The following RIPOR2 variants were observed in gnomAD, a reference collection of about 807,000 sequenced individuals.
RIPOR2 encodes the protein rho family-interacting cell polarization regulator 2.
Under a neutral mutation model 114.5 loss-of-function variants are expected in RIPOR2, and 39 were observed. The ratio of observed to expected loss-of-function variants is 0.34; its 90% CI spans 0.26 to 0.44. RIPOR2 has a LOEUF of 0.44. RIPOR2 is among the 20% of genes least tolerant of loss of function. The pLI, the probability that RIPOR2 is intolerant of heterozygous loss-of-function variation, is 1.00. For synonymous variants in RIPOR2, 445 were observed against 484.4 expected, an observed-to-expected ratio of 0.92 and a Z score of 1.07; for missense variants, 1,007 against 1,255.1, an observed-to-expected ratio of 0.80 and a Z score of 2.99.
At position 24,835,759 on chromosome 6, in the gene RIPOR2, C is replaced by T. The variant is rs889322692; in HGVS notation, c.2152G>A (p.Glu718Lys). 5.2e-6 allele frequency: 8 copies of T among 1,551,528 alleles called. No individual in the cohort carries two copies. The highest frequency in any genetic ancestry group is 2.7e-5 in the African/African-American group (2 of 73,034). The part of the protein sequence containing the change: ...GSPLPLTTGN[E>K]SLDITIVRHL... ...CTGACGATGGTGATGTCCAGGCTCT[C>T]GTTGCCTGTGGTCAGTGGGAGAGGA... The change falls in exon 15 of 22, where the codon GAG (glutamate) becomes AAG (lysine). Residue 718 changes from glutamate (E) to lysine (K), a missense_variant. Transcript: ENST00000643898.
At chr6:24,966,382 A>G (rs1487677806) in intron 1 of RIPOR2, among the ~76,000 whole-genome samples, 1 of 152,192 alleles carries the variant, frequency 6.6e-6, no homozygotes, top group East Asian at 1.9e-4. Flanking sequence ...GTGTTTCATC[A>G]TTCTTATTAA....
chr6:25,022,568 T>C (rs969616882), intron 1 of RIPOR2, among the ~76,000 whole-genome samples: 1 of 102,248 alleles, frequency 9.8e-6, no homozygotes, highest in Non-Finnish European at 1.9e-5. Context: ...TTTTTTTTTT[T>C]AGACAGGTTC....
In RIPOR2 at chr6:25,024,379, G is replaced by A. The variant is rs547064275; in HGVS notation, c.76+17472C>T. On this transcript the variant is annotated intron_variant, in intron 1 of 13. Transcript: ENST00000510784. ...TCTTCCTTCTGGCCAGTGTTGGCCA[G>A]GTAGGCAATGACATCATAGCCTTGT... 43 of 1,316,366 alleles carry A rather than the reference G, an allele frequency of 3.3e-5. No homozygotes were observed. The East Asian group carries it at 4.2e-4, about 13-fold the overall frequency. The allele number at this position is 1,316,366 out of a possible 1,614,324, so 81.5% of individuals were successfully genotyped here.
Position 24,839,221 on chromosome 6 carries a change from C to T in RIPOR2, c.1909G>A (p.Glu637Lys), listed in dbSNP as rs1312499154. 1.3e-6 allele frequency: 2 copies of T among 1,551,722 alleles called. No homozygotes were observed. The highest frequency in any genetic ancestry group is 3.9e-5 in the Admixed American group (2 of 50,974). The change falls in exon 14 of 22, where the codon GAA (glutamate) becomes AAA (lysine). Residue 637 changes from glutamate (E) to lysine (K), a missense_variant. Coordinates refer to ENST00000643898, the MANE Select transcript of RIPOR2 (RefSeq NM_001286445.3). ...AAATCAAAGCTTTCTAAAGCACTTT[C>T]AACTGTGAGACTTAAACTGGAAGAC... ...SRSSSLSLTV[E>K]SALESFDFLN...
In RIPOR2 at chr6:24,848,129, C is replaced by A. The variant is rs777758847; in HGVS notation, c.1060G>T (p.Ala354Ser). 1.9e-6 allele frequency: 3 copies of A among 1,613,464 alleles called. No individual in the cohort carries two copies. Among genetic ancestry groups the A allele is most frequent in the East Asian group, 2.2e-5 (1 of 44,834 alleles). The change falls in exon 12 of 22, where the codon GCA becomes TCA. Residue 354 changes from alanine (A) to serine (S), a missense_variant. Coordinates refer to ENST00000643898, the MANE Select transcript of RIPOR2 (RefSeq NM_001286445.3). ...WYPFDVEDMT[A>S]SSGAGNKAAA... Reference sequence around the variant, plus strand: ...GCCTTGTTCCCAGCGCCTGAGGATGCGGTCATGTCCTCCACGTCAAATGGA... The same window carrying A: ...GCCTTGTTCCCAGCGCCTGAGGATGAGGTCATGTCCTCCACGTCAAATGGA...
rs1770993555 is a variant in RIPOR2 at position 24,927,270 on chromosome 6, TACAATCACCACCAC to T, written c.61+8554_61+8567del. Among the ~76,000 whole-genome samples the T allele has an allele frequency of 8.7e-4, 4 of 4,580 alleles. 1 individual carries two copies. Among genetic ancestry groups the T allele is most frequent in the Admixed American group, 1.7e-3 (1 of 582 alleles). 3.0% of individuals were successfully genotyped at this position (4,580 alleles called of 152,430 possible). ...TCACCACCACCACCACCACCACAGC[TACAATCACCACCAC>T]CACCACCACCACCACCACCACAACT... On this transcript the variant is annotated intron_variant, in intron 1 of 21. Coordinates refer to ENST00000643898, the MANE Select transcript of RIPOR2 (RefSeq NM_001286445.3).
At chr6:24,975,963 T>C (rs9393600) in intron 1 of RIPOR2, among the ~76,000 whole-genome samples, 95,853 of 152,040 alleles carry the variant, frequency 0.63, 30,408 homozygotes, top group East Asian at 0.81. Flanking sequence ...ATACACTTAA[T>C]GATGATCAAC....
At chr6:24,853,705 C>T (rs558875105) in intron 8 of RIPOR2, among the ~76,000 whole-genome samples, 7 of 152,166 alleles carry the variant, frequency 4.6e-5, no homozygotes, top group African/African-American at 1.4e-4. Flanking sequence ...GGACAATGGA[C>T]GGCATCTAAC....
intron 1 of RIPOR2, among the ~76,000 whole-genome samples, chr6:24,982,408 C>T (rs1774333755): frequency 6.6e-6 from 1 of 152,164 alleles, no homozygotes. Context: ...GTGCAGATTT[C>T]TTTTTTAGTT....
At chr6:24,840,585 C>G in intron 13 of RIPOR2, 2 of 1,490,164 alleles carry the variant, frequency 1.3e-6, no homozygotes, top group Non-Finnish European at 1.8e-6. Flanking sequence ...TTAGGTGACA[C>G]TCCTTGCTGA....
intron 17 of RIPOR2, 68 bp downstream of exon 17, chr6:24,830,441 C>T (rs553905402): frequency 1.2e-5 from 16 of 1,383,604 alleles, no homozygotes; most frequent in Middle Eastern, 2.5e-4. Flanking sequence ...CCCTCTCCCC[C>T]GACCCCCACC....
At position 24,819,662 on chromosome 6, in the gene RIPOR2, ATTT is replaced by A. The variant is rs35638159; in HGVS notation, c.2869-1040_2869-1038del. Among the ~76,000 whole-genome samples the A allele has an allele frequency of 7.6e-4, 79 of 103,282 alleles. 2 individuals are homozygous for A. The highest frequency in any genetic ancestry group is 1.4e-3 in the African/African-American group (42 of 30,818). The allele number at this position is 103,282 out of a possible 152,430, so 67.8% of individuals were successfully genotyped here. A position where few individuals can be genotyped will look rare whatever the true frequency, so the allele number is the denominator to read the frequency against. On this transcript the variant is annotated intron_variant, in intron 19 of 21. Coordinates refer to ENST00000643898, the MANE Select transcript of RIPOR2 (RefSeq NM_001286445.3). ...AGGTGCCCACCACCACGCCCAGCTA[ATTT>A]TTTTTTTTTTTTTTTTTAGTGGAGA...
chr6:24,864,591 G>A (rs932444814), intron 7 of RIPOR2, among the ~76,000 whole-genome samples: 2 of 152,114 alleles, frequency 1.3e-5, no homozygotes, highest in Non-Finnish European at 2.9e-5. Context: ...AGACTCATGG[G>A]ATAGTGAGGA....
In RIPOR2 at chr6:24,865,431, G is replaced by C. The variant is rs11967003; in HGVS notation, c.521C>G (p.Ala174Gly). 6.0e-3 allele frequency: 9,616 copies of C among 1,611,398 alleles called. 247 individuals carry two copies. The African/African-American group carries it at 0.074, about 12-fold the overall frequency. The part of the protein sequence containing the change: ...HISKVDELYE[A>G]YCIQRRLQDG... The stretch of plus-strand genomic sequence containing the variant: ...CTGGAGGCGTCGCTGGATACAATAA[G>C]CTTCATAGAGTTCATCTACCTGCCA... The change falls in exon 7 of 22, where the codon GCT (alanine) becomes GGT (glycine). Residue 174 changes from alanine to glycine, a missense_variant. By Grantham distance (60) the Ala-to-Gly change is moderately conservative (BLOSUM62 0). Coordinates refer to ENST00000643898, the MANE Select transcript of RIPOR2 (RefSeq NM_001286445.3).
At chr6:24,873,061 C>T in intron 3 of RIPOR2, 102 bp from the exon 4 acceptor site, 1 of 783,232 alleles carries the variant, frequency 1.3e-6, no homozygotes, top group Non-Finnish European at 2.2e-6. Context: ...AAGAATTGAA[C>T]CTTGCTCTGT....
intron 5 of RIPOR2, 33 bp downstream of exon 5, chr6:24,870,833 T>C (rs1358538166): frequency 1.3e-6 from 2 of 1,582,512 alleles, no homozygotes; most frequent in Non-Finnish European, 1.7e-6. Flanking sequence ...AATTTTTTTC[T>C]TATTAGCACC....
chr6:24,840,158 C>A, intron 13 of RIPOR2: 2 of 858,178 alleles, frequency 2.3e-6, no homozygotes, highest in South Asian at 1.0e-4. Flanking sequence ...CCTATGTTGA[C>A]CATACCGGTC....
rs182313262 is a variant in RIPOR2 at position 25,020,932 on chromosome 6, C to T, written c.76+20919G>A. Among the ~76,000 whole-genome samples, 421 of 152,242 alleles carry T rather than the reference C, an allele frequency of 2.8e-3. 1 individual carries two copies. Among genetic ancestry groups the T allele is most frequent in the African/African-American group, 9.4e-3 (392 of 41,522 alleles). On this transcript the variant is annotated intron_variant, in intron 1 of 13. Transcript: ENST00000510784. ...AGTGCAGTGGCGTGATCTTGGCCCA[C>T]GGCAACCTCCGTCTTCTGGGTTCAA... is the stretch of plus-strand genomic sequence containing the variant.
rs76805242 is a variant in RIPOR2 at position 25,037,822 on chromosome 6, A to G, written c.76+4029T>C. ...CAAACGGTTATTGAGTAGATGAGGT[A>G]CCAGGTATTTTACTAAGGGTTACAG... On this transcript the variant is annotated intron_variant, in intron 1 of 13. Transcript: ENST00000510784. The surrounding 1 kb of genome is among the most constrained non-coding windows in gnomAD (Gnocchi z 4.5). 4.3e-3 allele frequency among the ~76,000 whole-genome samples: 660 copies of G among 152,280 alleles called. No individual in the cohort carries two copies. Among genetic ancestry groups the G allele is most frequent in the African/African-American group, 0.015 (620 of 41,544 alleles).
Sources: gnomAD v4.1 joint callset for allele counts (sites outside exome capture counted in the v4.1 genomes callset) on GRCh38, gnomAD v4.1.1 for gene constraint, Gnocchi (gnomAD v3.1) non-coding constraint, MANE v1.5 for transcripts, NCBI Gene and HGNC (gene_info 2026-07-23, HGNC 2026-07-21) for gene names.